Variants in REDIC1 observed in about 807,000 individuals in gnomAD.
REDIC1 encodes HEI10 Interacting Protein 1.
At chr12:39,714,074 T>TTTATATAA in the REDIC1 span, among the ~76,000 whole-genome samples, 1 of 148,418 alleles carries the variant, frequency 6.7e-6, no homozygotes, top group African/African-American at 2.5e-5. Flanking sequence ...TGTATATACG[T>TTTATATAA]GTATATACAC....
At chr12:39,712,874 C>CATATGCATATACGTGTATAT in the REDIC1 span, among the ~76,000 whole-genome samples, 200 of 142,022 alleles carry the variant, frequency 1.4e-3, no homozygotes, top group African/African-American at 5.1e-3. Flanking sequence ...CACGTATATA[C>CATATGCATATACGTGTATAT]ACGTATATAC....
the REDIC1 span, among the ~76,000 whole-genome samples, chr12:39,735,809 A>G: frequency 1.3e-5 from 2 of 152,216 alleles, no homozygotes; most frequent in Non-Finnish European, 2.9e-5. Flanking sequence ...AAGAATGTCA[A>G]CATGCTTTCC....
the REDIC1 span, among the ~76,000 whole-genome samples, chr12:39,760,769 A>T: frequency 1.3e-5 from 2 of 152,200 alleles, no homozygotes; most frequent in South Asian, 2.1e-4. Context: ...ATGTCAATGC[A>T]GAACAGCCAG....
At chr12:39,823,721 C>A in the REDIC1 span, among the ~76,000 whole-genome samples, 2 of 152,156 alleles carry the variant, frequency 1.3e-5, no homozygotes, top group Non-Finnish European at 2.9e-5. Context: ...GTAGCTGGGA[C>A]TACAGGAATG....
the REDIC1 span, among the ~76,000 whole-genome samples, chr12:39,893,230 C>T: frequency 0.011 from 1,683 of 152,244 alleles, 37 homozygotes; most frequent in African/African-American, 0.037. Flanking sequence ...TAAATGAATA[C>T]TTGGGATTTT....
At chr12:39,899,560 C>CA in the REDIC1 span, among the ~76,000 whole-genome samples, 1 of 151,918 alleles carries the variant, frequency 6.6e-6, no homozygotes, top group African/African-American at 2.4e-5. Flanking sequence ...CTAGTTCTTT[C>CA]AATTGTGATG....
the REDIC1 span, among the ~76,000 whole-genome samples, chr12:39,749,489 G>T: frequency 1.3e-5 from 2 of 152,134 alleles, no homozygotes; most frequent in Admixed American, 1.3e-4. Context: ...TCTACCAGAG[G>T]TACAAGGAGG....
At chr12:39,763,057 G>T in the REDIC1 span, among the ~76,000 whole-genome samples, 3 of 151,918 alleles carry the variant, frequency 2.0e-5, no homozygotes, top group African/African-American at 7.3e-5. Flanking sequence ...ATATACTTAG[G>T]TCTTCAAATA....
chr12:39,896,589 T>C, the REDIC1 span, among the ~76,000 whole-genome samples: 1 of 151,208 alleles, frequency 6.6e-6, no homozygotes, highest in South Asian at 2.1e-4. Context: ...TGTATATATG[T>C]ATACATATAT....
At chr12:39,840,867 TTGAG>T in the REDIC1 span, among the ~76,000 whole-genome samples, 8 of 152,124 alleles carry the variant, frequency 5.3e-5, no homozygotes, top group African/African-American at 1.7e-4. Context: ...TAAATACCTG[TTGAG>T]TAAGTAATGA....
the REDIC1 span, among the ~76,000 whole-genome samples, chr12:39,677,186 G>A: frequency 6.6e-6 from 1 of 152,104 alleles, no homozygotes; most frequent in Non-Finnish European, 1.5e-5. Flanking sequence ...AGTATCCATT[G>A]TCTTCAAGAG....
the REDIC1 span, among the ~76,000 whole-genome samples, chr12:39,751,911 G>C: frequency 6.6e-6 from 1 of 152,192 alleles, no homozygotes; most frequent in Admixed American, 6.5e-5. Flanking sequence ...GTGGGATGGG[G>C]AGAAGGGGGA....
the REDIC1 span, among the ~76,000 whole-genome samples, chr12:39,840,179 G>A: frequency 3.3e-5 from 5 of 151,900 alleles, no homozygotes; most frequent in Admixed American, 6.6e-5. Context: ...TTACAGGCAC[G>A]TGCAACCATG....
the REDIC1 span, among the ~76,000 whole-genome samples, chr12:39,664,852 C>T: frequency 1.3e-5 from 2 of 152,094 alleles, no homozygotes; most frequent in Non-Finnish European, 2.9e-5. Context: ...TTTCATGTGT[C>T]TGTTGGCTGC....
chr12:39,716,650 G>C, the REDIC1 span: 1 of 748,732 alleles, frequency 1.3e-6, no homozygotes, highest in East Asian at 3.1e-5. Flanking sequence ...AGTGTTTTGT[G>C]TTGTTAGCTA....
At chr12:39,744,369 C>A in the REDIC1 span, among the ~76,000 whole-genome samples, 1 of 152,150 alleles carries the variant, frequency 6.6e-6, no homozygotes, top group Non-Finnish European at 1.5e-5. Context: ...AAATTCAGAT[C>A]TGCACAAAAA....
the REDIC1 span, among the ~76,000 whole-genome samples, chr12:39,713,427 TATATGTGTACATATACATATGTATAC>T: frequency 1.0e-4 from 1 of 9,648 alleles, no homozygotes; most frequent in South Asian, 2.3e-3. Context: ...TACATATGTA[TATATGTGTACATATACATATGTATAC>T]ATACATTTGT....
the REDIC1 span, among the ~76,000 whole-genome samples, chr12:39,895,979 T>A: frequency 6.9e-6 from 1 of 144,688 alleles, no homozygotes; most frequent in Non-Finnish European, 1.5e-5. Context: ...TGTATATGTA[T>A]ACATACATTC....
At chr12:39,816,132 C>A in the REDIC1 span, among the ~76,000 whole-genome samples, 1 of 152,142 alleles carries the variant, frequency 6.6e-6, no homozygotes, top group South Asian at 2.1e-4. Flanking sequence ...TAGAATTTGC[C>A]TATTCCTTTT....
Sources: allele counts gnomAD v4.1 joint callset (sites outside exome capture counted in the v4.1 genomes callset), GRCh38; gene constraint gnomAD v4.1.1; transcripts MANE v1.5; gene names NCBI Gene and HGNC (gene_info 2026-07-23, HGNC 2026-07-21).